Variants in ACP3 observed in about 807,000 individuals in gnomAD.
ACP3 encodes the protein prostatic acid phosphatase.
ACP3 carries 38 observed loss-of-function variants against 45.6 expected under a neutral mutation model. The ratio of observed to expected loss-of-function variants is 0.83; its 90% CI spans 0.64 to 1.09. The LOEUF (loss-of-function observed/expected upper bound fraction) is 1.09. Ranked by LOEUF, ACP3 falls within the 50% of genes least tolerant of loss-of-function variation. ACP3 has a pLI of 0.00. For missense variants in ACP3, 466 were observed against 463.2 expected, an observed-to-expected ratio of 1.01 and a Z score of -0.05; for synonymous variants, 162 against 164.7, an observed-to-expected ratio of 0.98 and a Z score of 0.13.
At chr3:132,346,317 A>G (rs1937608346) in intron 7 of ACP3, among the ~76,000 whole-genome samples, 1 of 152,236 alleles carries the variant, frequency 6.6e-6, no homozygotes, top group Non-Finnish European at 1.5e-5. Context: ...CAGGATGGTC[A>G]GGAGCAAATT....
downstream of ACP3, among the ~76,000 whole-genome samples, chr3:132,362,105 C>A (rs1171390988): frequency 6.6e-6 from 1 of 152,118 alleles, no homozygotes; most frequent in East Asian, 1.9e-4. Flanking sequence ...AAATTATGTC[C>A]ACCCTTCTGT....
chr3:132,323,970 C>A (rs1937251317), intron 1 of ACP3, among the ~76,000 whole-genome samples: 1 of 152,224 alleles, frequency 6.6e-6, no homozygotes, highest in South Asian at 2.1e-4. Context: ...GTAATCCCAA[C>A]ACTTTGGGAG....
intron 5 of ACP3, among the ~76,000 whole-genome samples, chr3:132,339,300 G>C (rs1046166774): frequency 6.6e-6 from 1 of 152,176 alleles, no homozygotes; most frequent in African/African-American, 2.4e-5. Context: ...AATCAACACA[G>C]ACAGAAGACT....
intron 4 of ACP3, among the ~76,000 whole-genome samples, chr3:132,336,087 C>T (rs1398179102): frequency 6.6e-6 from 1 of 152,078 alleles, no homozygotes; most frequent in African/African-American, 2.4e-5. Flanking sequence ...AGTGAAACCC[C>T]GTCTCTACTA....
At chr3:132,325,618 A>C (rs988780130) in intron 1 of ACP3, among the ~76,000 whole-genome samples, 3 of 151,436 alleles carry the variant, frequency 2.0e-5, no homozygotes, top group East Asian at 1.9e-4. Context: ...ACACACACAC[A>C]CCCCTTCCAA....
intron 5 of ACP3, among the ~76,000 whole-genome samples, chr3:132,339,365 T>C (rs1937526333): frequency 6.6e-6 from 1 of 152,216 alleles, no homozygotes; most frequent in African/African-American, 2.4e-5. Flanking sequence ...CGTTCTGCAG[T>C]AGACACCAGC....
intron 2 of ACP3, 52 bp downstream of exon 2, chr3:132,328,414 C>T (rs1937340280): frequency 1.3e-6 from 2 of 1,499,046 alleles, no homozygotes; most frequent in East Asian, 2.3e-5. Context: ...TGTGGTGGCT[C>T]ACGCCTGTAA....
rs746539691 is a variant in ACP3, at chr3:132,351,382, A to G, written c.865-1338A>G. On this transcript the variant is annotated intron_variant, in intron 8 of 9. Transcript: ENST00000336375. ...GTATTATACATTCAAATAGCTGCCC[A>G]TGGAGTCTGGGATGAGCAGGGAAAC... Among the ~76,000 whole-genome samples, 28 of 152,218 alleles carry G rather than the reference A, an allele frequency of 1.8e-4. 1 individual carries two copies. Among genetic ancestry groups the G allele is most frequent in the Non-Finnish European group, 4.1e-4 (28 of 68,034 alleles).
intron 9 of ACP3, among the ~76,000 whole-genome samples, chr3:132,354,380 A>G (rs553498967): frequency 2.6e-5 from 4 of 152,172 alleles, no homozygotes; most frequent in Non-Finnish European, 5.9e-5. Flanking sequence ...AGTTAAATCT[A>G]TATTACAAAT....
At chr3:132,346,838 G>A (rs531286835) in intron 7 of ACP3, among the ~76,000 whole-genome samples, 1 of 152,174 alleles carries the variant, frequency 6.6e-6, no homozygotes, top group Admixed American at 6.6e-5. Flanking sequence ...TTCAGCATCG[G>A]CATCAACTAC....
intron 9 of ACP3, among the ~76,000 whole-genome samples, chr3:132,353,861 G>A (rs2107816240): frequency 6.6e-6 from 1 of 152,342 alleles, no homozygotes; most frequent in East Asian, 1.9e-4. Flanking sequence ...GAAAGTAACA[G>A]CACAGAGACT....
chr3:132,361,374 C>G (rs935356878), downstream of ACP3, among the ~76,000 whole-genome samples: 1 of 152,148 alleles, frequency 6.6e-6, no homozygotes, highest in African/African-American at 2.4e-5. Flanking sequence ...TTGGTATGCT[C>G]CGATTCACTC....
intron 1 of ACP3, among the ~76,000 whole-genome samples, chr3:132,320,281 T>C (rs1937182041): frequency 6.6e-6 from 1 of 152,206 alleles, no homozygotes; most frequent in Non-Finnish European, 1.5e-5. Context: ...ACTGACATTT[T>C]TAACTTTATA....
intron 6 of ACP3, among the ~76,000 whole-genome samples, chr3:132,344,492 G>A (rs1013854861): frequency 2.0e-5 from 3 of 152,032 alleles, no homozygotes; most frequent in Admixed American, 6.6e-5. Context: ...CCTTGATGGG[G>A]GTAGGGGAGA....
intron 4 of ACP3, among the ~76,000 whole-genome samples, chr3:132,337,049 C>T (rs563531778): frequency 1.3e-5 from 2 of 149,626 alleles, no homozygotes; most frequent in East Asian, 3.9e-4. Flanking sequence ...TTTCTCCATA[C>T]ATACATGCGT....
chr3:132,334,081 T>C (rs1344221512), intron 4 of ACP3, among the ~76,000 whole-genome samples: 1 of 151,840 alleles, frequency 6.6e-6, no homozygotes, highest in Non-Finnish European at 1.5e-5. Flanking sequence ...CAAAAATAAA[T>C]AAAAAACAAA....
chr3:132,354,074 T>C (rs1035238256), intron 9 of ACP3, among the ~76,000 whole-genome samples: 2 of 152,086 alleles, frequency 1.3e-5, no homozygotes, highest in African/African-American at 4.8e-5. Flanking sequence ...ACTGGCCAAA[T>C]AGAACAGAAA....
At chr3:132,345,759 C>G (rs1019892566) in intron 7 of ACP3, among the ~76,000 whole-genome samples, 2 of 152,096 alleles carry the variant, frequency 1.3e-5, no homozygotes, top group Non-Finnish European at 2.9e-5. Flanking sequence ...CAGACCCAGG[C>G]AAGAGGATGC....
In ACP3 at chr3:132,328,356, C is replaced by T. The variant is rs1937338435; in HGVS notation, c.210C>T (p.Leu70=). The part of the protein sequence containing the change: ...ESSWPQGFGQ[L]TQLGMEQHYE... ...CATGGCCACAAGGATTTGGCCAACTCACCCAGGTTGGTTGGACTTTTAGCT... is the reference window on the plus strand; with the variant it reads ...CATGGCCACAAGGATTTGGCCAACTTACCCAGGTTGGTTGGACTTTTAGCT... The change falls in exon 2 of 10, where the codon CTC becomes CTT. Residue 70 remains leucine, a synonymous_variant. Coordinates refer to ENST00000336375, the MANE Select transcript of ACP3 (RefSeq NM_001099.5). The T allele has an allele frequency of 1.2e-6, 2 of 1,613,330 alleles. No individual in the cohort carries two copies. The highest frequency in any genetic ancestry group is 4.5e-5 in the East Asian group (2 of 44,838).
Sources: allele counts gnomAD v4.1 joint callset (sites outside exome capture counted in the v4.1 genomes callset), GRCh38; gene constraint gnomAD v4.1.1; transcripts MANE v1.5; gene names NCBI Gene and HGNC (gene_info 2026-07-23, HGNC 2026-07-21).